GSDME: variants seen among roughly 807,000 people sequenced by gnomAD.
GSDME encodes the protein gasdermin E.
Under a neutral mutation model 47.5 loss-of-function variants are expected in GSDME, and 44 were observed. The ratio of observed to expected loss-of-function variants is 0.93; its 90% confidence interval spans 0.73 to 1.19. The LOEUF is 1.19. GSDME is among the 50% of genes most tolerant of loss of function. The pLI is 0.00. For missense variants in GSDME, 663 were observed against 604.2 expected (o/e 1.10, Z -1.02); for synonymous variants, 258 against 252.8 (o/e 1.02, Z -0.20).
At chr7:24,707,982 A>G in intron 7 of GSDME, 145 bp downstream of exon 7, 4 of 1,012,844 alleles carry the variant, frequency 3.9e-6, no homozygotes, top group South Asian at 3.3e-5. Flanking sequence ...CTGCACTTAG[A>G]AAACGCAGGA....
chr7:24,713,700 AAG>A (rs1789443667), intron 5 of GSDME, among the ~76,000 whole-genome samples: 2 of 152,246 alleles, frequency 1.3e-5, no homozygotes, highest in Non-Finnish European at 2.9e-5. Flanking sequence ...TCTTGGGACA[AAG>A]AGCCACAGAA....
chr7:24,738,321 T>C (rs564234965), intron 3 of GSDME, among the ~76,000 whole-genome samples: 2 of 152,120 alleles, frequency 1.3e-5, no homozygotes, highest in Non-Finnish European at 2.9e-5. Context: ...AGCATGTCTA[T>C]AGGGCAACAG....
At chr7:24,743,256 C>T (rs1790545528) in intron 3 of GSDME, among the ~76,000 whole-genome samples, 1 of 152,140 alleles carries the variant, frequency 6.6e-6, no homozygotes, top group South Asian at 2.1e-4. Flanking sequence ...GGAATGAGCA[C>T]TTATTTAATA....
chr7:24,724,361 A>G lies in GSDME; in HGVS notation c.405-5143T>C, dbSNP rs543673865. Among the ~76,000 whole-genome samples the G allele has an allele frequency of 2.0e-4, 31 of 152,290 alleles. No individual in the cohort carries two copies. The highest frequency in any genetic ancestry group is 8.8e-5 in the Non-Finnish European group (6 of 68,022). ...TGAGACCCTCTCCCCAAGTCCAGCC[A>G]GGAGCCAATGCCCAAAGACAGGGAA... On this transcript the variant is annotated intron_variant, in intron 3 of 9. Coordinates refer to ENST00000645220, the MANE Select transcript of GSDME (RefSeq NM_001127453.2). This position sits in a 1 kb window ranked among gnomAD's most constrained non-coding sequence, Gnocchi z 4.8.
chr7:24,782,216 C>G, the GSDME span, among the ~76,000 whole-genome samples: 1 of 125,056 alleles, frequency 8.0e-6, no homozygotes, highest in Non-Finnish European at 1.7e-5. Flanking sequence ...TCCCTCCCCC[C>G]TCCCCCCACC....
At position 24,710,373 on chromosome 7, in the gene GSDME, C is replaced by A; in HGVS notation, c.713G>T (p.Arg238Leu). 3 of 1,614,174 alleles carry A rather than the reference C, an allele frequency of 1.9e-6. No individual in the cohort carries two copies. The highest frequency in any genetic ancestry group is 2.5e-6 in the Non-Finnish European group (3 of 1,180,036). Residue 238 changes from arginine to leucine, a missense_variant, in exon 6 of 10, where the codon CGA (arginine) becomes CTA (leucine). Physicochemically the swap from Arg to Leu is moderately radical, Grantham distance 102. Transcript: ENST00000645220. ...LDGQFEFCLL[R>L]GKQGGFENKK... The stretch of plus-strand genomic sequence containing the variant: ...GTTCTCGAAGCCACCTTGCTTCCCT[C>A]GGAGAAGGCAGAACTCTGTAGTGCA...
the GSDME span, among the ~76,000 whole-genome samples, chr7:24,779,771 C>A: frequency 6.6e-6 from 1 of 152,186 alleles, no homozygotes; most frequent in Non-Finnish European, 1.5e-5. This position sits in a 1 kb window ranked among gnomAD's most constrained non-coding sequence, Gnocchi z 6.0. Flanking sequence ...CTCAGGCTCG[C>A]CCCTTCTTGG....
the GSDME span, among the ~76,000 whole-genome samples, chr7:24,775,216 G>A: frequency 3.7e-4 from 57 of 152,210 alleles, no homozygotes; most frequent in Non-Finnish European, 7.5e-4. Flanking sequence ...GAACTCTATC[G>A]TAAGTCTAGG....
intron 7 of GSDME, chr7:24,707,683 G>GACAC (rs10531811): frequency 1.8e-5 from 6 of 329,870 alleles, no homozygotes; most frequent in Admixed American, 4.3e-5. Context: ...TAAAGGAGAA[G>GACAC]ACACACACAC....
intron 1 of GSDME, among the ~76,000 whole-genome samples, chr7:24,752,590 C>G (rs1033022503): frequency 1.3e-5 from 2 of 152,114 alleles, no homozygotes; most frequent in Non-Finnish European, 2.9e-5. Context: ...ATCCCAGGTG[C>G]AGGCTGGGAG....
Position 24,744,801 on chromosome 7 carries a change from C to T in GSDME, c.212-47G>A, listed in dbSNP as rs200414657. The T allele has an allele frequency of 6.7e-5, 107 of 1,601,556 alleles. 1 individual carries two copies. In the East Asian group the frequency reaches 1.9e-3, roughly 28 times the overall value. ...GAGGAAGCCGATGATGATAAGGCCA[C>T]CAAGATGTCTTGGGTCATTTAGCTT... On this transcript the variant is annotated intron_variant, in intron 2 of 9. Transcript: ENST00000645220. This position sits in a 1 kb window ranked among gnomAD's most constrained non-coding sequence, Gnocchi z 4.5.
intron 3 of GSDME, among the ~76,000 whole-genome samples, chr7:24,737,566 A>C (rs1180561253): frequency 6.6e-6 from 1 of 152,142 alleles, no homozygotes. Flanking sequence ...ATGTTACCAA[A>C]CATTTAAAAA....
chr7:24,702,996 G>A, intron 8 of GSDME, 163 bp from the exon 9 acceptor site: 1 of 611,632 alleles, frequency 1.6e-6, no homozygotes, highest in East Asian at 3.4e-5. Context: ...TGCTAAATGG[G>A]CAGCAAAGAC....
Position 24,736,126 on chromosome 7 carries a change from G to T in GSDME, c.404+8436C>A, listed in dbSNP as rs979851843. Reference sequence around the variant, plus strand: ...ACAGGAAGAAAAGAAAGAAGGAGGAGAAGACCACAAAACAAATAATAAAAT... The same window carrying T: ...ACAGGAAGAAAAGAAAGAAGGAGGATAAGACCACAAAACAAATAATAAAAT... On this transcript the variant is annotated intron_variant, in intron 3 of 9. Coordinates refer to ENST00000645220, the MANE Select transcript of GSDME (RefSeq NM_001127453.2). This position sits in a 1 kb window ranked among gnomAD's most constrained non-coding sequence, Gnocchi z 4.6. Among the ~76,000 whole-genome samples the T allele has an allele frequency of 1.3e-5, 2 of 151,856 alleles. No individual in the cohort carries two copies. Among genetic ancestry groups the T allele is most frequent in the Admixed American group, 1.3e-4 (2 of 15,238 alleles).
In GSDME at chr7:24,698,770, C is replaced by T. The variant is rs939724186; in HGVS notation, c.*256G>A. The T allele has an allele frequency of 9.0e-5, 47 of 519,814 alleles. 1 individual carries two copies. Among genetic ancestry groups the T allele is most frequent in the African/African-American group, 1.3e-4 (7 of 52,276 alleles). The allele number at this position is 519,814 out of a possible 1,614,324, so 32.2% of individuals were successfully genotyped here. A position where few individuals can be genotyped will look rare whatever the true frequency, so the allele number is the denominator to read the frequency against. Reference sequence around the variant, plus strand: ...GTCTGAATGTATGCTAAGAATTCTCCGCCCTCCCAGCTCTTTACATGCTGG... The same window carrying T: ...GTCTGAATGTATGCTAAGAATTCTCTGCCCTCCCAGCTCTTTACATGCTGG... On this transcript the variant is annotated 3_prime_UTR_variant, in exon 10 of 10. Transcript: ENST00000645220.
At chr7:24,720,839 G>A (rs996227993) in intron 3 of GSDME, among the ~76,000 whole-genome samples, 4 of 152,156 alleles carry the variant, frequency 2.6e-5, no homozygotes, top group East Asian at 1.9e-4. Context: ...CCCGGGAGGC[G>A]GAGGTTGCGG....
the GSDME span, among the ~76,000 whole-genome samples, chr7:24,792,913 A>C: frequency 6.6e-6 from 1 of 152,206 alleles, no homozygotes; most frequent in African/African-American, 2.4e-5. Flanking sequence ...AGGGAAAGGA[A>C]AGTGGAAGAT....
At chr7:24,769,727 G>A in the GSDME span, among the ~76,000 whole-genome samples, 3 of 151,956 alleles carry the variant, frequency 2.0e-5, no homozygotes, top group African/African-American at 4.8e-5. Flanking sequence ...AAAAAATTGC[G>A]AGGCATGCTG....
At chr7:24,709,259 G>A (rs1446486395) in intron 6 of GSDME, among the ~76,000 whole-genome samples, 1 of 152,210 alleles carries the variant, frequency 6.6e-6, no homozygotes, top group Non-Finnish European at 1.5e-5. Context: ...CCTGTGGGCA[G>A]GACAGAAGGA....
Sources: gnomAD v4.1 joint callset for allele counts (sites outside exome capture counted in the v4.1 genomes callset) on GRCh38, gnomAD v4.1.1 for gene constraint, Gnocchi (gnomAD v3.1) non-coding constraint, MANE v1.5 for transcripts, NCBI Gene and HGNC (gene_info 2026-07-23, HGNC 2026-07-21) for gene names.